Variants in STEAP3 observed in about 807,000 individuals in gnomAD.
STEAP3 encodes metalloreductase STEAP3.
Under a neutral mutation model 34.9 loss-of-function variants are expected in STEAP3, and 35 were observed. The observed-to-expected ratio is 1.00, with a 90% CI of 0.76 to 1.33. STEAP3 has a LOEUF of 1.33. Among genes scored for constraint, STEAP3 ranks in the 40% most tolerant of loss-of-function variants. The probability of loss-of-function intolerance (pLI) is 0.00; values close to 1 mark genes in which losing one functional copy is unlikely to be tolerated. For missense variants in STEAP3, 652 were observed against 667.6 expected (o/e 0.98, Z 0.26); for synonymous variants, 281 against 301.6 (o/e 0.93, Z 0.71).
At position 119,261,288 on chromosome 2, in the gene STEAP3, G is replaced by A. The variant is rs555398964; in HGVS notation, c.1216-1769G>A. 2.0e-5 allele frequency among the ~76,000 whole-genome samples: 3 copies of A among 152,272 alleles called. No individual in the cohort carries two copies. The South Asian group carries it at 6.2e-4, about 32-fold the overall frequency. ...CTCTGGATTGATGCCAACAAGCTGG[G>A]CTAGAAGGGAATCCAGGAGGCTCAG... On this transcript the variant is annotated intron_variant, in intron 5 of 5. Coordinates refer to ENST00000393110, the MANE Select transcript of STEAP3 (RefSeq NM_182915.3).
Position 119,230,762 on chromosome 2 carries a change from C to T in STEAP3, c.-251C>T, listed in dbSNP as rs1490114308. The T allele has an allele frequency of 1.7e-6, 1 of 587,152 alleles. No homozygotes were observed. Among genetic ancestry groups the T allele is most frequent in the Non-Finnish European group, 3.1e-6 (1 of 326,008 alleles). The allele number at this position is 587,152 out of a possible 1,614,324, so 36.4% of individuals were successfully genotyped here. On this transcript the variant is annotated 5_prime_UTR_variant, in exon 2 of 6. Coordinates refer to ENST00000393110, the MANE Select transcript of STEAP3 (RefSeq NM_182915.3). ...CAGGAAGCAGCAGGCCAGAGCTGCG[C>T]TCTCTCAGTGCACTCTCCAACCAAG... is the stretch of plus-strand genomic sequence containing the variant.
At chr2:119,237,209 G>A (rs1322445454) in intron 2 of STEAP3, among the ~76,000 whole-genome samples, 2 of 152,158 alleles carry the variant, frequency 1.3e-5, no homozygotes, top group African/African-American at 4.8e-5. Flanking sequence ...AACCTGCAAG[G>A]TCAGCCAGCA....
At position 119,230,944 on chromosome 2, in the gene STEAP3, G is replaced by A; in HGVS notation, c.-69G>A. Reference sequence around the variant, plus strand: ...GCTGTCCTGGTTGGAGACTGAGCCAGAAAGGGTGGCTCACCTCACGGTGAG... The same window carrying A: ...GCTGTCCTGGTTGGAGACTGAGCCAAAAAGGGTGGCTCACCTCACGGTGAG... On this transcript the variant is annotated 5_prime_UTR_variant, in exon 2 of 6. Transcript: ENST00000393110. 1 of 1,604,934 alleles carries A rather than the reference G, an allele frequency of 6.2e-7. No homozygotes were observed. The highest frequency in any genetic ancestry group is 1.3e-5 in the African/African-American group (1 of 74,948).
chr2:119,248,285 G>A, intron 4 of STEAP3, 79 bp downstream of exon 4: 1 of 1,475,470 alleles, frequency 6.8e-7, no homozygotes, highest in Non-Finnish European at 9.1e-7. Flanking sequence ...CCAACCAGGT[G>A]CAGCCGATAC....
At position 119,232,801 on chromosome 2, in the gene STEAP3, C is replaced by G. The variant is rs1349239133; in HGVS notation, c.22+1767C>G. Among the ~76,000 whole-genome samples, 4 of 152,146 alleles carry G rather than the reference C, an allele frequency of 2.6e-5. No homozygotes were observed. The East Asian group carries it at 7.7e-4, about 29-fold the overall frequency. ...GATGGTGGGGAGTAGGGCCCCCCAC[C>G]ACCTACCCCTGGGACCTCTAAGGGA... On this transcript the variant is annotated intron_variant, in intron 2 of 5. Transcript: ENST00000393110.
Position 119,263,154 on chromosome 2 carries a change from T to G in STEAP3, c.1313T>G (p.Leu438Arg). 1 of 1,614,132 alleles carries G rather than the reference T, an allele frequency of 6.2e-7. No homozygotes were observed. The highest frequency in any genetic ancestry group is 8.5e-7 in the Non-Finnish European group (1 of 1,180,042). The change falls in exon 6 of 6, where the codon CTG becomes CGG. Residue 438 changes from leucine (L) to arginine (R), a missense_variant. Transcript: ENST00000393110. ...GAGGAGAGCCGCTACAAGTTCTACC[T>G]GCCTCCCACCTTCACGCTCACGCTG... The part of the protein sequence containing the change: ...AFEESRYKFY[L>R]PPTFTLTLLV...
At chr2:119,250,219 C>T (rs189628405) in intron 4 of STEAP3, among the ~76,000 whole-genome samples, 1 of 152,368 alleles carries the variant, frequency 6.6e-6, no homozygotes, top group African/African-American at 2.4e-5. Context: ...CACTGAGCAC[C>T]TACTCTGCCA....
chr2:119,229,066 A>G (rs1679134108), intron 1 of STEAP3, among the ~76,000 whole-genome samples: 1 of 152,152 alleles, frequency 6.6e-6, no homozygotes, highest in Non-Finnish European at 1.5e-5. Flanking sequence ...ACACTGAAGT[A>G]GAGACTCTGG....
At chr2:119,236,632 A>G (rs1335171741) in intron 2 of STEAP3, among the ~76,000 whole-genome samples, 5 of 152,196 alleles carry the variant, frequency 3.3e-5, no homozygotes, top group African/African-American at 4.8e-5. Flanking sequence ...TGGTTAGGGA[A>G]GGGATGACTT....
intron 1 of STEAP3, among the ~76,000 whole-genome samples, chr2:119,224,611 A>G (rs2104779600): frequency 6.6e-6 from 1 of 152,276 alleles, no homozygotes; most frequent in South Asian, 2.1e-4. Context: ...GGGGACCAGA[A>G]AGCCGGATCC....
chr2:119,243,753 A>G (rs1297530287), intron 2 of STEAP3, among the ~76,000 whole-genome samples: 1 of 152,244 alleles, frequency 6.6e-6, no homozygotes, highest in Non-Finnish European at 1.5e-5. Context: ...GCTGGGGCCC[A>G]GGGAGGCACA....
chr2:119,257,817 C>A, intron 5 of STEAP3: 16 of 1,038,424 alleles, frequency 1.5e-5, no homozygotes, highest in Non-Finnish European at 2.0e-5. Context: ...TCTTGAGGGG[C>A]CTTGGCTGAC....
rs997228719 is a variant in STEAP3, at chr2:119,240,908, C to T, written c.23-4581C>T. Reference sequence around the variant, plus strand: ...GGACAGGCCTCTGGGACTTCCAAGACATGTACCACCTGTCCTGCCCCCAAC... The same window carrying T: ...GGACAGGCCTCTGGGACTTCCAAGATATGTACCACCTGTCCTGCCCCCAAC... On this transcript the variant is annotated intron_variant, in intron 2 of 5. Transcript: ENST00000393110. Among the ~76,000 whole-genome samples, 6 of 152,292 alleles carry T rather than the reference C, an allele frequency of 3.9e-5. No individual in the cohort carries two copies. In the South Asian group the frequency reaches 6.2e-4, roughly 16 times the overall value.
intron 4 of STEAP3, among the ~76,000 whole-genome samples, chr2:119,251,404 T>G (rs951221469): frequency 3.3e-5 from 5 of 152,218 alleles, no homozygotes; most frequent in Non-Finnish European, 5.9e-5. Flanking sequence ...ACAGACAGTA[T>G]TATTACCAAC....
At position 119,257,499 on chromosome 2, in the gene STEAP3, C is replaced by T. The variant is rs533041827; in HGVS notation, c.1215+2651C>T. On this transcript the variant is annotated intron_variant, in intron 5 of 5. Coordinates refer to ENST00000393110, the MANE Select transcript of STEAP3 (RefSeq NM_182915.3). Reference sequence around the variant, plus strand: ...TGCAGGAAACACAGGCAGTGGAACCCGAAGACCTGAATCTCAGTCCCAAGA... The same window carrying T: ...TGCAGGAAACACAGGCAGTGGAACCTGAAGACCTGAATCTCAGTCCCAAGA... 18 of 1,543,606 alleles carry T rather than the reference C, an allele frequency of 1.2e-5. No homozygotes were observed. In the East Asian group the frequency reaches 3.7e-4, roughly 32 times the overall value.
chr2:119,235,578 T>G (rs532399245), intron 2 of STEAP3, among the ~76,000 whole-genome samples: 1 of 152,314 alleles, frequency 6.6e-6, no homozygotes, highest in South Asian at 2.1e-4. Flanking sequence ...AGCAATATGT[T>G]TTCATCAGTC....
chr2:119,263,713 G>T lies in STEAP3; in HGVS notation c.*375G>T. 2.9e-6 allele frequency: 1 copy of T among 341,546 alleles called. No individual in the cohort carries two copies. The highest frequency in any genetic ancestry group is 5.6e-6 in the Non-Finnish European group (1 of 177,594). 21.2% of individuals were successfully genotyped at this position (341,546 alleles called of 1,614,324 possible). A position where few individuals can be genotyped will look rare whatever the true frequency, so the allele number is the denominator to read the frequency against. On this transcript the variant is annotated 3_prime_UTR_variant, in exon 6 of 6. Coordinates refer to ENST00000393110, the MANE Select transcript of STEAP3 (RefSeq NM_182915.3). ...TTTGTACAGAAGAGGCTTGTGCTGT[G>T]GTGGGTTCGATTTATCCCTGCCCAC...
chr2:119,259,836 A>G (rs772696794), intron 5 of STEAP3, among the ~76,000 whole-genome samples: 3 of 152,202 alleles, frequency 2.0e-5, no homozygotes, highest in Non-Finnish European at 4.4e-5. Flanking sequence ...GGGCGCCAAA[A>G]GGCTCTCAGT....
At chr2:119,238,914 T>C (rs1445963027) in intron 2 of STEAP3, among the ~76,000 whole-genome samples, 1 of 151,938 alleles carries the variant, frequency 6.6e-6, no homozygotes, top group Non-Finnish European at 1.5e-5. Flanking sequence ...TGGTGTGGGG[T>C]TCTGGGTGCA....
Sources: allele counts gnomAD v4.1 joint callset (sites outside exome capture counted in the v4.1 genomes callset), GRCh38; gene constraint gnomAD v4.1.1; transcripts MANE v1.5; gene names NCBI Gene and HGNC (gene_info 2026-07-23, HGNC 2026-07-21).